MSRA: variants seen among roughly 807,000 people sequenced by gnomAD.
The protein encoded by MSRA is mitochondrial peptide methionine sulfoxide reductase.
MSRA carries 54 observed loss-of-function variants against 31.3 expected under a neutral mutation model. The ratio of observed to expected loss-of-function variants is 1.73; its 90% CI spans 1.39 to 2.17. The LOEUF is 2.17. Ranked by LOEUF, MSRA falls within the 30% of genes most tolerant of loss-of-function variation. The pLI, the probability that MSRA is intolerant of heterozygous loss-of-function variation, is 0.00. For missense variants in MSRA, 507 were observed against 300.9 expected (o/e 1.69, Z -5.07); for synonymous variants, 169 against 116.5 (o/e 1.45, Z -2.90).
At chr8:10,324,389 T>G (rs564135841) in intron 5 of MSRA, among the ~76,000 whole-genome samples, 2 of 152,310 alleles carry the variant, frequency 1.3e-5, no homozygotes, top group South Asian at 4.1e-4. Context: ...TCCCTGGCCC[T>G]CTGCTCTCAC....
At chr8:10,226,693 G>A (rs1369167913) in intron 2 of MSRA, among the ~76,000 whole-genome samples, 1 of 152,140 alleles carries the variant, frequency 6.6e-6, no homozygotes, top group African/African-American at 2.4e-5. Flanking sequence ...GTGCATATAT[G>A]AGTATATATA....
chr8:10,276,674 T>C (rs1269708005), intron 3 of MSRA, among the ~76,000 whole-genome samples: 4 of 152,210 alleles, frequency 2.6e-5, no homozygotes, highest in Non-Finnish European at 5.9e-5. Flanking sequence ...GAAAGTTAGG[T>C]TGATTGCAGT....
intron 1 of MSRA, among the ~76,000 whole-genome samples, chr8:10,171,010 G>T (rs189307155): frequency 1.3e-5 from 2 of 152,310 alleles, no homozygotes; most frequent in Admixed American, 1.3e-4. Context: ...TTGATCCGAG[G>T]GGAAAGCAGT....
chr8:10,090,200 G>A (rs544255589), intron 1 of MSRA, among the ~76,000 whole-genome samples: 24 of 152,328 alleles, frequency 1.6e-4, no homozygotes, highest in African/African-American at 5.8e-4. Context: ...GGCAGTGTGA[G>A]TTGGAAGACA....
chr8:10,290,978 A>G (rs1342715617), intron 3 of MSRA, among the ~76,000 whole-genome samples: 1 of 152,090 alleles, frequency 6.6e-6, no homozygotes, highest in Non-Finnish European at 1.5e-5. Context: ...CTTATTCTGG[A>G]AAATCCAGCT....
At chr8:10,399,270 A>G (rs938846225) in intron 5 of MSRA, among the ~76,000 whole-genome samples, 1 of 152,216 alleles carries the variant, frequency 6.6e-6, no homozygotes, top group Non-Finnish European at 1.5e-5. Context: ...GCAAATGAGC[A>G]TGGTCTACTG....
intron 1 of MSRA, among the ~76,000 whole-genome samples, chr8:10,199,841 G>T (rs1249737131): frequency 1.3e-5 from 2 of 152,214 alleles, no homozygotes; most frequent in Non-Finnish European, 2.9e-5. Flanking sequence ...GTCCTTGAGT[G>T]TAGGATCTGT....
intron 2 of MSRA, among the ~76,000 whole-genome samples, chr8:10,215,436 G>A (rs113432967): frequency 6.6e-6 from 1 of 152,196 alleles, no homozygotes; most frequent in Non-Finnish European, 1.5e-5. Context: ...CAGACCAGCC[G>A]GACAGGTGCT....
intron 2 of MSRA, among the ~76,000 whole-genome samples, chr8:10,211,837 T>C (rs999087512): frequency 1.3e-5 from 2 of 152,146 alleles, no homozygotes; most frequent in Non-Finnish European, 2.9e-5. Flanking sequence ...AGGGCCGGGT[T>C]CCAGCCTCTG....
intron 5 of MSRA, among the ~76,000 whole-genome samples, chr8:10,409,577 C>G (rs547439379): frequency 6.6e-6 from 1 of 152,202 alleles, no homozygotes; most frequent in Non-Finnish European, 1.5e-5. Flanking sequence ...ACTGTGATCT[C>G]TAGAGAGGAC....
intron 1 of MSRA, chr8:10,095,539 A>G (rs1286854236): frequency 6.1e-6 from 6 of 985,514 alleles, no homozygotes; most frequent in Non-Finnish European, 6.0e-6. Flanking sequence ...AGGTTGCCAT[A>G]CTGGGAGCAA....
chr8:10,073,849 C>G (rs1179171936), intron 1 of MSRA, among the ~76,000 whole-genome samples: 3 of 151,972 alleles, frequency 2.0e-5, no homozygotes, highest in African/African-American at 2.4e-5. Context: ...GAACAAATTA[C>G]TTTCATTTCA....
At chr8:10,268,870 A>G (rs1051447946) in intron 3 of MSRA, among the ~76,000 whole-genome samples, 6 of 152,362 alleles carry the variant, frequency 3.9e-5, no homozygotes, top group Admixed American at 6.5e-5. Flanking sequence ...TTCAGGTACA[A>G]TTTAACTTCT....
intron 5 of MSRA, among the ~76,000 whole-genome samples, chr8:10,391,326 C>A (rs960976630): frequency 2.6e-5 from 4 of 152,176 alleles, no homozygotes; most frequent in African/African-American, 4.8e-5. Flanking sequence ...CTCTTGGCAA[C>A]TTAAGTCAGA....
intron 1 of MSRA, among the ~76,000 whole-genome samples, chr8:10,144,135 A>G (rs749660928): frequency 1.3e-5 from 2 of 152,200 alleles, no homozygotes; most frequent in African/African-American, 2.4e-5. Flanking sequence ...CACCATCTTT[A>G]GGAAAGTCAG....
intron 3 of MSRA, among the ~76,000 whole-genome samples, chr8:10,274,853 A>G (rs978579238): frequency 7.9e-5 from 12 of 152,166 alleles, no homozygotes; most frequent in Non-Finnish European, 1.5e-4. Context: ...CCAAGCAACC[A>G]TCCATCTACC....
At chr8:10,084,482 A>G (rs1228876237) in intron 1 of MSRA, among the ~76,000 whole-genome samples, 1 of 152,228 alleles carries the variant, frequency 6.6e-6, no homozygotes, top group Non-Finnish European at 1.5e-5. Flanking sequence ...ATATTATTTC[A>G]TGTGGGGATT....
intron 3 of MSRA, among the ~76,000 whole-genome samples, chr8:10,292,178 C>A (rs1320115765): frequency 6.6e-6 from 1 of 152,154 alleles, no homozygotes; most frequent in South Asian, 2.1e-4. Context: ...GGTTGGAGTC[C>A]AGTGTGCATG....
At chr8:10,381,090 C>G (rs766858690) in intron 5 of MSRA, among the ~76,000 whole-genome samples, 9 of 152,110 alleles carry the variant, frequency 5.9e-5, no homozygotes, top group Non-Finnish European at 8.8e-5. Context: ...TATCCTATAT[C>G]TATTCCTATG....
Sources: gnomAD v4.1 joint callset for allele counts (sites outside exome capture counted in the v4.1 genomes callset) on GRCh38, gnomAD v4.1.1 for gene constraint, MANE v1.5 for transcripts, NCBI Gene and HGNC (gene_info 2026-07-23, HGNC 2026-07-21) for gene names.